The following BRAP variants were observed in gnomAD, a reference collection of about 807,000 sequenced individuals.
The protein encoded by BRAP is BRCA1-associated protein.
Under a neutral mutation model 73.4 loss-of-function variants are expected in BRAP, and 42 were observed. The ratio of observed to expected loss-of-function variants is 0.57; its 90% CI spans 0.45 to 0.74. The LOEUF is 0.74. Ranked by LOEUF, BRAP falls within the 30% of genes least tolerant of loss-of-function variation. BRAP has a pLI of 0.00. For synonymous variants in BRAP, 255 were observed against 267.4 expected (o/e 0.95, Z 0.45); for missense variants, 593 against 751.4 (o/e 0.79, Z 2.46).
chr12:111,669,782 T>C, intron 5 of BRAP: 1 of 444,510 alleles, frequency 2.2e-6, no homozygotes, highest in Non-Finnish European at 4.0e-6. Context: ...TCTTATACCA[T>C]TCTTTAAAAA....
rs780987768 is a variant in BRAP, at chr12:111,685,817, C to T, written c.-25G>A. The T allele has an allele frequency of 2.6e-6, 4 of 1,530,620 alleles. No homozygotes were observed. The African/African-American group carries it at 4.3e-5, about 16-fold the overall frequency. 94.8% of individuals were successfully genotyped at this position (1,530,620 alleles called of 1,614,324 possible). A position where few individuals can be genotyped will look rare whatever the true frequency, so the allele number is the denominator to read the frequency against. On this transcript the variant is annotated 5_prime_UTR_variant, in exon 1 of 12. Coordinates refer to ENST00000419234, the MANE Select transcript of BRAP (RefSeq NM_006768.5). Reference sequence around the variant, plus strand: ...TAGGGCAGGCGCTGGCCGGCGCGGGCCCCGGCGGGCTCAGGCGAGGCTGGA... The same window carrying T: ...TAGGGCAGGCGCTGGCCGGCGCGGGTCCCGGCGGGCTCAGGCGAGGCTGGA...
chr12:111,676,714 C>T (rs527257930), intron 4 of BRAP, among the ~76,000 whole-genome samples: 2 of 152,294 alleles, frequency 1.3e-5, no homozygotes, highest in Admixed American at 6.5e-5. Flanking sequence ...CTGCACCTGG[C>T]CAACATGGCA....
intron 11 of BRAP, among the ~76,000 whole-genome samples, chr12:111,645,805 A>C (rs1006262309): frequency 1.3e-5 from 2 of 152,074 alleles, no homozygotes; most frequent in African/African-American, 2.4e-5. Flanking sequence ...CCTGGGCAAC[A>C]AAGTAAGACC....
chr12:111,644,053 C>T lies in BRAP; in HGVS notation c.*146G>A. ...AGCACCCTTTACATTCACTACATCA[C>T]ACACTAGCAAATGAAAGAGCCAAAC... On this transcript the variant is annotated 3_prime_UTR_variant, in exon 12 of 12. Transcript: ENST00000419234. 8.0e-7 allele frequency: 1 copy of T among 1,248,118 alleles called. No homozygotes were observed. Among genetic ancestry groups the T allele is most frequent in the Non-Finnish European group, 1.1e-6 (1 of 924,706 alleles). 77.3% of individuals were successfully genotyped at this position (1,248,118 alleles called of 1,614,324 possible). A position where few individuals can be genotyped will look rare whatever the true frequency, so the allele number is the denominator to read the frequency against.
At chr12:111,682,897 G>C (rs1406914151) in intron 2 of BRAP, among the ~76,000 whole-genome samples, 1 of 151,708 alleles carries the variant, frequency 6.6e-6, no homozygotes. Flanking sequence ...GGGCAACAGA[G>C]ACCCTGCCTC....
intron 9 of BRAP, among the ~76,000 whole-genome samples, chr12:111,656,791 T>G (rs1305007877): frequency 3.3e-5 from 5 of 152,266 alleles, no homozygotes; most frequent in Non-Finnish European, 1.5e-5. Context: ...TGGAATGCAG[T>G]GGTGCAATCA....
chr12:111,669,317 C>T (rs1887081110), intron 5 of BRAP, among the ~76,000 whole-genome samples: 1 of 151,770 alleles, frequency 6.6e-6, no homozygotes, highest in Non-Finnish European at 1.5e-5. Context: ...GCAACCTCTG[C>T]CTCCTGGGTT....
Position 111,683,558 on chromosome 12 carries a change from T to C in BRAP, c.83-251A>G, listed in dbSNP as rs139055307. 2.1e-3 allele frequency among the ~76,000 whole-genome samples: 323 copies of C among 152,250 alleles called. 1 individual carries two copies. The highest frequency in any genetic ancestry group is 7.4e-3 in the African/African-American group (307 of 41,540). ...AATCATGCACTTTATTTTTATTTTT[T>C]GAGACAGAGTCTCACTCTGTCACCC... On this transcript the variant is annotated intron_variant, in intron 1 of 11. Transcript: ENST00000419234.
At chr12:111,651,324 G>A (rs1566111266) in intron 10 of BRAP, among the ~76,000 whole-genome samples, 2 of 152,002 alleles carry the variant, frequency 1.3e-5, no homozygotes, top group Non-Finnish European at 2.9e-5. Flanking sequence ...TGGATCACGA[G>A]GTCAGGAGTT....
chr12:111,642,209 T>C lies in BRAP; in HGVS notation c.*1990A>G, dbSNP rs1184574073. The C allele has an allele frequency of 6.6e-6, 1 of 152,184 alleles. No individual in the cohort carries two copies. Among genetic ancestry groups the C allele is most frequent in the East Asian group, 1.9e-4 (1 of 5,206 alleles). 9.4% of individuals were successfully genotyped at this position (152,184 alleles called of 1,614,324 possible). On this transcript the variant is annotated 3_prime_UTR_variant, in exon 12 of 12. Coordinates refer to ENST00000419234, the MANE Select transcript of BRAP (RefSeq NM_006768.5). ...TTCAAGGTAGTATGGGTATATTAAG[T>C]GGTTCATTTCCCTCCTGAAGAAAAC... is the stretch of plus-strand genomic sequence containing the variant.
chr12:111,674,116 C>T (rs1887284258), intron 4 of BRAP, among the ~76,000 whole-genome samples: 1 of 152,186 alleles, frequency 6.6e-6, no homozygotes, highest in African/African-American at 2.4e-5. Flanking sequence ...AGGGCTGCAC[C>T]AGGCAAAAAT....
chr12:111,674,260 T>G (rs929206301), intron 4 of BRAP, among the ~76,000 whole-genome samples: 2 of 152,106 alleles, frequency 1.3e-5, no homozygotes, highest in Non-Finnish European at 2.9e-5. Flanking sequence ...CTTTTTTTTT[T>G]GAGATGGTGT....
chr12:111,669,541 T>C (rs1472633026), intron 5 of BRAP, among the ~76,000 whole-genome samples: 1 of 152,142 alleles, frequency 6.6e-6, no homozygotes, highest in East Asian at 1.9e-4. Flanking sequence ...TCCCTCTTAA[T>C]GTGTTAATAG....
chr12:111,665,291 G>A lies in BRAP; in HGVS notation c.896+348C>T, dbSNP rs1204402557. On this transcript the variant is annotated intron_variant, in intron 6 of 11. Transcript: ENST00000419234. The surrounding 1 kb of genome is among the most constrained non-coding windows in gnomAD (Gnocchi z 4.3). ...GCCCAGTTGATAAGAAGCCCAGAGT[G>A]AATGGCAGACACCAAGTGCAGCTGA... Among the ~76,000 whole-genome samples the A allele has an allele frequency of 2.6e-5, 4 of 152,128 alleles. No individual in the cohort carries two copies. Among genetic ancestry groups the A allele is most frequent in the Admixed American group, 2.6e-4 (4 of 15,266 alleles).
rs200597303 is a variant in BRAP, at chr12:111,676,921, CT to C, written c.633+2229del. ...CTGTTAGGATGATAGGGATTAGCCC[CT>C]AAGACCCAGAGTTAGCAATAAATAA... On this transcript the variant is annotated intron_variant, in intron 4 of 11. Coordinates refer to ENST00000419234, the MANE Select transcript of BRAP (RefSeq NM_006768.5). 9.8e-3 allele frequency among the ~76,000 whole-genome samples: 1,487 copies of C among 152,232 alleles called. 80 individuals carry two copies. The highest frequency in any genetic ancestry group is 0.087 in the Admixed American group (1,325 of 15,288).
intron 10 of BRAP, among the ~76,000 whole-genome samples, chr12:111,652,270 C>A (rs1348391568): frequency 2.0e-5 from 3 of 152,172 alleles, no homozygotes. Flanking sequence ...GTCGCCCAGG[C>A]TGGAGTGCAG....
chr12:111,666,827 ATC>A (rs1466731572), intron 5 of BRAP, among the ~76,000 whole-genome samples: 1 of 152,216 alleles, frequency 6.6e-6, no homozygotes. Flanking sequence ...CTTACAGGAA[ATC>A]TCTCAAGAAG....
intron 5 of BRAP, chr12:111,670,116 A>C: frequency 1.6e-6 from 1 of 619,662 alleles, no homozygotes. Flanking sequence ...ATTTGATCCA[A>C]GTTTGATGGA....
intron 5 of BRAP, among the ~76,000 whole-genome samples, chr12:111,666,220 C>T (rs905293247): frequency 6.6e-6 from 1 of 152,226 alleles, no homozygotes; most frequent in Non-Finnish European, 1.5e-5. Flanking sequence ...TCTGCCCTTA[C>T]AGAACTGACA....
Sources: gnomAD v4.1 joint callset for allele counts (sites outside exome capture counted in the v4.1 genomes callset) on GRCh38, gnomAD v4.1.1 for gene constraint, Gnocchi (gnomAD v3.1) non-coding constraint, MANE v1.5 for transcripts, NCBI Gene and HGNC (gene_info 2026-07-23, HGNC 2026-07-21) for gene names.